Variants in KIAA0753 observed in about 807,000 individuals in gnomAD.
The protein encoded by KIAA0753 is protein moonraker.
A neutral mutation model predicts 116.9 loss-of-function variants in KIAA0753; 114 were observed. The ratio of observed to expected loss-of-function variants is 0.98; its 90% CI spans 0.84 to 1.14. KIAA0753 has a LOEUF of 1.14. Ranked by LOEUF, KIAA0753 falls within the 50% of genes most tolerant of loss-of-function variation. The probability of loss-of-function intolerance (pLI) is 0.00; values close to 1 mark genes in which losing one functional copy is unlikely to be tolerated. For missense variants in KIAA0753, 1,156 were observed against 1,172.4 expected, an observed-to-expected ratio of 0.99 and a Z score of 0.20; for synonymous variants, 405 against 413.1, an observed-to-expected ratio of 0.98 and a Z score of 0.24.
chr17:6,639,844 G>C lies in KIAA0753; in HGVS notation c.-69+793C>G. 1 of 152,930 alleles carries C rather than the reference G, an allele frequency of 6.5e-6. No homozygotes were observed. Among genetic ancestry groups the C allele is most frequent in the East Asian group, 1.9e-4 (1 of 5,148 alleles). 9.5% of individuals were successfully genotyped at this position (152,930 alleles called of 1,614,324 possible). On this transcript the variant is annotated intron_variant, in intron 1 of 18. Transcript: ENST00000361413. The surrounding 1 kb of genome is among the most constrained non-coding windows in gnomAD (Gnocchi z 4.3). Reference sequence around the variant, plus strand: ...AATGCTCTCATGGCCCAGAGATCCCGGGCGACCTTTTCTCTCGCAGCCCCG... The same window carrying C: ...AATGCTCTCATGGCCCAGAGATCCCCGGCGACCTTTTCTCTCGCAGCCCCG...
chr17:6,599,401 G>A (rs1969699112), intron 13 of KIAA0753, 81 bp from the exon 14 acceptor site: 1 of 942,136 alleles, frequency 1.1e-6, no homozygotes. Context: ...TTACCAGAAT[G>A]ACTTGTGTGG....
Position 6,610,117 on chromosome 17 carries a change from C to T in KIAA0753, c.1589G>A (p.Ser530Asn). 6.2e-7 allele frequency: 1 copy of T among 1,614,124 alleles called. No homozygotes were observed. Among genetic ancestry groups the T allele is most frequent in the Non-Finnish European group, 8.5e-7 (1 of 1,180,014 alleles). The change falls in exon 9 of 19, where the codon AGT becomes AAT. Residue 530 changes from serine (S) to asparagine (N), a missense_variant. Ser to Asn is a conservative substitution (Grantham distance 46, BLOSUM62 1). Coordinates refer to ENST00000361413, the MANE Select transcript of KIAA0753 (RefSeq NM_014804.3). Reference protein sequence around the residue: ...AERGRQSQPHSKSRVQQTTVS... With the variant: ...AERGRQSQPHNKSRVQQTTVS... The stretch of plus-strand genomic sequence containing the variant: ...TGTTGTCTGCTGCACTCTGCTTTTA[C>T]TGTGAGGTTGGCTTTGTCTACCTCT...
chr17:6,614,650 G>A (rs1970763016), intron 7 of KIAA0753, among the ~76,000 whole-genome samples: 1 of 152,144 alleles, frequency 6.6e-6, no homozygotes, highest in African/African-American at 2.4e-5. Flanking sequence ...CTTCTAGTGA[G>A]GGAGAAAAGA....
chr17:6,599,388 C>A (rs1969698244), intron 13 of KIAA0753, 68 bp from the exon 14 acceptor site: 6 of 1,054,344 alleles, frequency 5.7e-6, no homozygotes, highest in Admixed American at 3.8e-5. Flanking sequence ...CAAATGAATT[C>A]TATTACCAGA....
intron 12 of KIAA0753, among the ~76,000 whole-genome samples, chr17:6,601,730 T>C (rs748534321): frequency 4.6e-5 from 7 of 152,154 alleles, no homozygotes; most frequent in Admixed American, 6.6e-5. Context: ...GAGAAAATCC[T>C]TGAGACACTA....
intron 18 of KIAA0753, among the ~76,000 whole-genome samples, chr17:6,584,244 G>A (rs1376372479): frequency 6.6e-6 from 1 of 152,164 alleles, no homozygotes; most frequent in Non-Finnish European, 1.5e-5. Flanking sequence ...TCAACAAAGG[G>A]CTAACCTCCC....
intron 8 of KIAA0753, among the ~76,000 whole-genome samples, chr17:6,611,649 A>C (rs1048013662): frequency 6.6e-6 from 1 of 152,182 alleles, no homozygotes; most frequent in Non-Finnish European, 1.5e-5. Flanking sequence ...CAGAAAAAAA[A>C]CTGAATTTTA....
intron 1 of KIAA0753, chr17:6,636,873 C>A (rs912010558): frequency 2.0e-5 from 3 of 152,294 alleles, no homozygotes; most frequent in African/African-American, 7.2e-5. Context: ...CTCCAGCCAG[C>A]CTCCTCCCAC....
intron 16 of KIAA0753, among the ~76,000 whole-genome samples, chr17:6,593,468 TC>T (rs1969232028): frequency 8.0e-5 from 12 of 150,094 alleles, no homozygotes; most frequent in African/African-American, 2.2e-4. Context: ...TCCCAGCACT[TC>T]CGGAGGCAGG....
At chr17:6,593,301 C>T (rs1047971552) in intron 16 of KIAA0753, among the ~76,000 whole-genome samples, 1 of 152,218 alleles carries the variant, frequency 6.6e-6, no homozygotes, top group African/African-American at 2.4e-5. Flanking sequence ...TTCGGGAGGC[C>T]GGGAGCAGTG....
At chr17:6,617,410 C>T (rs2150864631) in intron 7 of KIAA0753, among the ~76,000 whole-genome samples, 1 of 152,316 alleles carries the variant, frequency 6.6e-6, no homozygotes, top group Admixed American at 6.5e-5. Context: ...GAATAAATAT[C>T]TAACAGTAAA....
chr17:6,604,521 A>G (rs1182922512), intron 12 of KIAA0753, among the ~76,000 whole-genome samples: 1 of 152,168 alleles, frequency 6.6e-6, no homozygotes, highest in African/African-American at 2.4e-5. Context: ...GAATGATGTA[A>G]AGAAAAGAAG....
At chr17:6,624,536 CCACACACACACACACACA>C (rs55849399) in intron 4 of KIAA0753, among the ~76,000 whole-genome samples, 1 of 143,910 alleles carries the variant, frequency 6.9e-6, no homozygotes, top group East Asian at 2.1e-4. Flanking sequence ...GAGTTTGGCG[CCACACACACACACACACA>C]CACACACACA....
chr17:6,604,882 G>A (rs1263969059), intron 12 of KIAA0753, among the ~76,000 whole-genome samples: 1 of 152,000 alleles, frequency 6.6e-6, no homozygotes, highest in African/African-American at 2.4e-5. Context: ...AAGGCTACCA[G>A]CAAATATGAG....
chr17:6,635,202 C>T lies in KIAA0753; in HGVS notation c.-68-31G>A, dbSNP rs1376267897. The T allele has an allele frequency of 6.0e-6, 5 of 834,376 alleles. No homozygotes were observed. In the Admixed American group the frequency reaches 9.8e-5, roughly 16 times the overall value. 51.7% of individuals were successfully genotyped at this position (834,376 alleles called of 1,614,324 possible). A position where few individuals can be genotyped will look rare whatever the true frequency, so the allele number is the denominator to read the frequency against. ...ACGAAACAAAGCTACTTCAGACCAA[C>T]AGCGTTGAACAAGGGAAAAGAACAG... On this transcript the variant is annotated intron_variant, in intron 1 of 18. Transcript: ENST00000361413.
chr17:6,604,960 C>T (rs1176705019), intron 12 of KIAA0753, among the ~76,000 whole-genome samples: 1 of 151,956 alleles, frequency 6.6e-6, no homozygotes, highest in East Asian at 1.9e-4. Flanking sequence ...TCCCATTCAT[C>T]CTTTCTCAAG....
In KIAA0753 at chr17:6,607,349, T is replaced by C. The variant is rs1970262050; in HGVS notation, c.1830-79A>G. The C allele has an allele frequency of 3.6e-6, 4 of 1,120,414 alleles. No individual in the cohort carries two copies. The Admixed American group carries it at 6.9e-5, about 19-fold the overall frequency. The allele number at this position is 1,120,414 out of a possible 1,614,324, so 69.4% of individuals were successfully genotyped here. A position where few individuals can be genotyped will look rare whatever the true frequency, so the allele number is the denominator to read the frequency against. On this transcript the variant is annotated intron_variant, in intron 10 of 18. Transcript: ENST00000361413. ...CATCATCACAGAAACAGACCAGAAA[T>C]CAGGACCACTGCAGAGCAGAGCACC... is the stretch of plus-strand genomic sequence containing the variant.
At chr17:6,636,808 T>G (rs1972354601) in intron 1 of KIAA0753, 1 of 145,268 alleles carries the variant, frequency 6.9e-6, no homozygotes, top group Non-Finnish European at 1.5e-5. Flanking sequence ...CAATCTAGCC[T>G]CCCCCACATA....
intron 1 of KIAA0753, chr17:6,636,116 C>G (rs1972305762): frequency 6.6e-6 from 1 of 152,078 alleles, no homozygotes; most frequent in Admixed American, 6.5e-5. Flanking sequence ...TTGGGAAATT[C>G]AAGGTTTTTT....
Sources: gnomAD v4.1 joint callset for allele counts (sites outside exome capture counted in the v4.1 genomes callset) on GRCh38, gnomAD v4.1.1 for gene constraint, Gnocchi (gnomAD v3.1) non-coding constraint, MANE v1.5 for transcripts, NCBI Gene and HGNC (gene_info 2026-07-23, HGNC 2026-07-21) for gene names.